Variants in COL22A1 observed in about 807,000 individuals in gnomAD.
The protein encoded by COL22A1 is collagen type XXII alpha 1 chain, also known as collagen alpha-1(XXII) chain.
COL22A1 carries 221 observed loss-of-function variants against 248.9 expected under a neutral mutation model. The ratio of observed to expected loss-of-function variants is 0.89; its 90% confidence interval spans 0.80 to 0.99. The LOEUF is 0.99. Among genes scored for constraint, COL22A1 ranks in the 50% least tolerant of loss-of-function variants. The pLI is 0.00. For synonymous variants in COL22A1, 891 were observed against 793.4 expected (o/e 1.12, Z -2.07); for missense variants, 2,240 against 2,179.0 (o/e 1.03, Z -0.56).
chr8:138,744,532 G>A (rs898771701), intron 22 of COL22A1, among the ~76,000 whole-genome samples: 1 of 151,864 alleles, frequency 6.6e-6, no homozygotes, highest in Non-Finnish European at 1.5e-5. Flanking sequence ...AAGCAAAGAG[G>A]GTGGAGAATT....
chr8:138,796,652 AC>A (rs1254421452), intron 12 of COL22A1, among the ~76,000 whole-genome samples, 166 bp downstream of exon 12: 1 of 151,058 alleles, frequency 6.6e-6, no homozygotes, highest in Non-Finnish European at 1.5e-5. Flanking sequence ...TGCTTCAACC[AC>A]CCAAGCCATG....
In COL22A1 at chr8:138,594,128, G is replaced by A; in HGVS notation, c.4504C>T (p.Pro1502Ser). 7 of 1,577,092 alleles carry A rather than the reference G, an allele frequency of 4.4e-6. No individual in the cohort carries two copies. The highest frequency in any genetic ancestry group is 2.3e-5 in the East Asian group (1 of 42,870). ...AGCCCATCTTTTCCAGGGGGCCCTG[G>A]GGGCCCAGGTCTGCCTTGAGATGAC... ...MKSSQGRPGPPGPPGKDGLPG... is the reference protein window; with the variant it reads ...MKSSQGRPGPSGPPGKDGLPG... The change falls in exon 63 of 65, where the codon CCA (proline) becomes TCA (serine). Residue 1502 changes from proline to serine, a missense_variant. Pro to Ser is a moderately conservative substitution (Grantham distance 74, BLOSUM62 -1). Coordinates refer to ENST00000303045, the MANE Select transcript of COL22A1 (RefSeq NM_152888.3).
chr8:138,637,216 A>T (rs1281695909), intron 47 of COL22A1, among the ~76,000 whole-genome samples: 1 of 152,178 alleles, frequency 6.6e-6, no homozygotes, highest in African/African-American at 2.4e-5. Flanking sequence ...TCAGTTAAAA[A>T]CAAGTGGTGT....
At chr8:138,771,127 G>A (rs1354999318) in intron 16 of COL22A1, among the ~76,000 whole-genome samples, 2 of 152,216 alleles carry the variant, frequency 1.3e-5, no homozygotes, top group Non-Finnish European at 2.9e-5. Context: ...GGCTGCTCTA[G>A]CCACGGCCAC....
intron 1 of COL22A1, among the ~76,000 whole-genome samples, chr8:138,904,554 T>C (rs7828568): frequency 0.19 from 28,418 of 152,086 alleles, 2,637 homozygotes; most frequent in Middle Eastern, 0.21. Flanking sequence ...GTGGTAGAGC[T>C]GTAATAACCC....
intron 18 of COL22A1, among the ~76,000 whole-genome samples, chr8:138,757,983 G>C (rs187349058): frequency 2.0e-5 from 3 of 152,320 alleles, no homozygotes; most frequent in East Asian, 1.9e-4. Context: ...AACAGCAGAC[G>C]TGCTGGGAGG....
intron 30 of COL22A1, among the ~76,000 whole-genome samples, chr8:138,703,723 G>A (rs909260643): frequency 2.6e-5 from 4 of 152,176 alleles, no homozygotes; most frequent in African/African-American, 7.2e-5. Context: ...TAATGCAGAA[G>A]ACAGGTGATT....
At chr8:138,774,233 G>C (rs938168556) in intron 16 of COL22A1, among the ~76,000 whole-genome samples, 2 of 152,102 alleles carry the variant, frequency 1.3e-5, no homozygotes, top group Non-Finnish European at 2.9e-5. Context: ...TGGGGAACGA[G>C]GCCAGTCCCC....
intron 30 of COL22A1, among the ~76,000 whole-genome samples, chr8:138,706,099 T>G (rs1476200075): frequency 6.6e-6 from 1 of 152,182 alleles, no homozygotes; most frequent in East Asian, 1.9e-4. Context: ...ATCCTAAATA[T>G]ATATGCACCC....
At chr8:138,688,862 CCTGT>C in intron 37 of COL22A1, 51 bp downstream of exon 37, 1 of 1,469,632 alleles carries the variant, frequency 6.8e-7, no homozygotes, top group Non-Finnish European at 9.5e-7. Context: ...TCCTTCAGTG[CCTGT>C]AAGAAGTTAA....
chr8:138,853,168 T>G (rs192772335), intron 3 of COL22A1, among the ~76,000 whole-genome samples: 1 of 152,010 alleles, frequency 6.6e-6, no homozygotes, highest in Non-Finnish European at 1.5e-5. Context: ...GAGAAAGACC[T>G]GGTCTCAAAA....
rs146833838 is a variant in COL22A1 at position 138,623,779 on chromosome 8, C to G, written c.3724G>C (p.Glu1242Gln). The change falls in exon 52 of 65, where the codon GAA becomes CAA. Residue 1242 changes from glutamate to glutamine, a missense_variant. By Grantham distance (29) the Glu-to-Gln change is conservative (BLOSUM62 2). Coordinates refer to ENST00000303045, the MANE Select transcript of COL22A1 (RefSeq NM_152888.3). ...TTTCCATCTCTGCCCTCTTTGCCTT[C>G]TTCTCCCTGCAAGAGAAACTCAAAT... The part of the protein sequence containing the change: ...PSGLPGIPGE[E>Q]GKEGRDGKPG... The G allele has an allele frequency of 6.2e-7, 1 of 1,612,826 alleles. No individual in the cohort carries two copies. Among genetic ancestry groups the G allele is most frequent in the Non-Finnish European group, 8.5e-7 (1 of 1,179,442 alleles).
At chr8:138,893,292 A>G (rs934567325) in intron 1 of COL22A1, among the ~76,000 whole-genome samples, 2 of 152,240 alleles carry the variant, frequency 1.3e-5, no homozygotes, top group Admixed American at 6.5e-5. Flanking sequence ...CTTTTCAATC[A>G]GCATCCCTGT....
At chr8:138,834,803 T>C (rs1348174766) in intron 4 of COL22A1, among the ~76,000 whole-genome samples, 2 of 152,224 alleles carry the variant, frequency 1.3e-5, no homozygotes, top group Non-Finnish European at 2.9e-5. Flanking sequence ...CTAAATTCTG[T>C]CCATAGATGT....
intron 44 of COL22A1, 151 bp downstream of exon 44, chr8:138,660,285 G>A (rs768889164): frequency 5.0e-4 from 329 of 654,918 alleles, no homozygotes; most frequent in Admixed American, 3.3e-4. Flanking sequence ...TTATCTCTGA[G>A]TCTCACAACA....
chr8:138,723,302 C>T (rs932130111), intron 25 of COL22A1, among the ~76,000 whole-genome samples: 2 of 152,068 alleles, frequency 1.3e-5, no homozygotes, highest in African/African-American at 2.4e-5. Context: ...AAGACAGCCC[C>T]GCCTGCACAG....
intron 32 of COL22A1, among the ~76,000 whole-genome samples, chr8:138,695,860 T>C (rs1037637814): frequency 2.6e-5 from 4 of 151,894 alleles, no homozygotes; most frequent in African/African-American, 4.8e-5. Context: ...CAAGGGCGTA[T>C]CTTTCCACAG....
At chr8:138,598,158 T>C (rs926744687) in intron 61 of COL22A1, among the ~76,000 whole-genome samples, 1 of 152,222 alleles carries the variant, frequency 6.6e-6, no homozygotes, top group Non-Finnish European at 1.5e-5. Context: ...AAAGTGCTGC[T>C]ACTAGAATAA....
intron 1 of COL22A1, among the ~76,000 whole-genome samples, chr8:138,895,760 T>C (rs886750830): frequency 1.3e-5 from 2 of 152,106 alleles, no homozygotes; most frequent in Non-Finnish European, 2.9e-5. Context: ...AAAGAAATAA[T>C]GGATGGTAAA....
Sources: allele counts gnomAD v4.1 joint callset (sites outside exome capture counted in the v4.1 genomes callset), GRCh38; gene constraint gnomAD v4.1.1; transcripts MANE v1.5; gene names NCBI Gene and HGNC (gene_info 2026-07-23, HGNC 2026-07-21).